MALRD1: variants seen among roughly 807,000 people sequenced by gnomAD.
The protein encoded by MALRD1 is MAM and LDL receptor class A domain containing 1.
In MALRD1, 247 loss-of-function variants were observed where a neutral mutation model predicts 242.1. The ratio of observed to expected loss-of-function variants is 1.02; its 90% CI spans 0.92 to 1.13. The LOEUF (loss-of-function observed/expected upper bound fraction) is 1.13. Ranked by LOEUF, MALRD1 falls within the 50% of genes most tolerant of loss-of-function variation. MALRD1 has a pLI of 0.00. For missense variants in MALRD1, 2,989 were observed against 2,533.1 expected (o/e 1.18, Z -3.86); for synonymous variants, 995 against 866.6 (o/e 1.15, Z -2.60).
intron 29 of MALRD1, chr10:19,488,854 C>G (rs1837344692): frequency 5.7e-6 from 2 of 350,162 alleles, no homozygotes; most frequent in African/African-American, 2.1e-5. Context: ...TCATGAATGA[C>G]CTTCCTGCAG....
intron 18 of MALRD1, among the ~76,000 whole-genome samples, chr10:19,228,854 T>C (rs747190803): frequency 6.6e-6 from 1 of 152,116 alleles, no homozygotes; most frequent in Non-Finnish European, 1.5e-5. Context: ...AGACTTTACT[T>C]CAAAAAGGCA....
chr10:19,603,925 CCT>C (rs1026932554), intron 34 of MALRD1, among the ~76,000 whole-genome samples: 4 of 152,208 alleles, frequency 2.6e-5, no homozygotes, highest in South Asian at 2.1e-4. Flanking sequence ...CAGCCATTCC[CCT>C]GTTTGTCTTT....
intron 1 of MALRD1, among the ~76,000 whole-genome samples, chr10:19,056,431 A>G (rs112207166): frequency 1.2e-3 from 187 of 152,078 alleles, no homozygotes; most frequent in African/African-American, 4.2e-3. Flanking sequence ...ATATCTAAGT[A>G]TTATACTTTA....
chr10:19,700,544 A>G (rs1265586345), intron 38 of MALRD1, among the ~76,000 whole-genome samples: 1 of 152,306 alleles, frequency 6.6e-6, no homozygotes, highest in African/African-American at 2.4e-5. Context: ...GCACTTTCAT[A>G]TTTTTAAACT....
chr10:19,204,936 T>C lies in MALRD1; in HGVS notation c.2249T>C (p.Leu750Pro). The change falls in exon 17 of 40, where the codon CTG becomes CCG. Residue 750 changes from leucine to proline, a missense_variant. Leu to Pro is a moderately conservative substitution (Grantham distance 98). Coordinates refer to ENST00000454679, the MANE Select transcript of MALRD1 (RefSeq NM_001142308.3). Reference protein sequence around the residue: ...NYGLSVGAAELQLHMENSHDS... With the variant: ...NYGLSVGAAEPQLHMENSHDS... ...GGCCTGTCAGTGGGAGCAGCTGAGC[T>C]GCAGCTACATATGGAAAATTCTCAT... is the stretch of plus-strand genomic sequence containing the variant. The C allele has an allele frequency of 6.5e-7, 1 of 1,550,318 alleles. No individual in the cohort carries two copies. The highest frequency in any genetic ancestry group is 8.7e-7 in the Non-Finnish European group (1 of 1,146,728).
intron 28 of MALRD1, among the ~76,000 whole-genome samples, chr10:19,408,614 TAAAG>T (rs1589034724): frequency 6.6e-6 from 1 of 152,002 alleles, no homozygotes; most frequent in Admixed American, 6.6e-5. Flanking sequence ...GCAAAAGATA[TAAAG>T]AGACATTTCA....
rs57449195 is a variant in MALRD1 at position 19,165,242 on chromosome 10, AATAT to A, written c.1657-374_1657-371del. Among the ~76,000 whole-genome samples the A allele has an allele frequency of 2.8e-3, 193 of 69,776 alleles. 17 individuals carry two copies. Among genetic ancestry groups the A allele is most frequent in the African/African-American group, 0.015 (174 of 11,834 alleles). 45.8% of individuals were successfully genotyped at this position (69,776 alleles called of 152,430 possible). ...TATATTTAACACAGAAGTTGTTTGGAATATATATATATATATATATATATTTTGT... is the reference window on the plus strand; with the variant it reads ...TATATTTAACACAGAAGTTGTTTGGAATATATATATATATATATATTTTGT... On this transcript the variant is annotated intron_variant, in intron 12 of 39. Coordinates refer to ENST00000454679, the MANE Select transcript of MALRD1 (RefSeq NM_001142308.3).
At chr10:19,573,722 A>G (rs1836670680) in intron 33 of MALRD1, among the ~76,000 whole-genome samples, 1 of 152,174 alleles carries the variant, frequency 6.6e-6, no homozygotes, top group African/African-American at 2.4e-5. Flanking sequence ...CAAATGAGGA[A>G]TCATTTTGAG....
At chr10:19,633,182 G>T (rs1215178003) in intron 36 of MALRD1, among the ~76,000 whole-genome samples, 1 of 152,084 alleles carries the variant, frequency 6.6e-6, no homozygotes, top group African/African-American at 2.4e-5. Flanking sequence ...AGTGAGCCAA[G>T]ATCGTGACAC....
chr10:19,691,728 T>C (rs1842828799), intron 36 of MALRD1, among the ~76,000 whole-genome samples: 1 of 152,108 alleles, frequency 6.6e-6, no homozygotes, highest in South Asian at 2.1e-4. Flanking sequence ...AAAACAAAGG[T>C]GATGGAACCC....
chr10:19,108,323 G>A (rs1457833826), intron 5 of MALRD1, among the ~76,000 whole-genome samples: 1 of 145,800 alleles, frequency 6.9e-6, no homozygotes, highest in Admixed American at 7.1e-5. Flanking sequence ...TCAGCTACAA[G>A]ATTTCTGTCT....
intron 5 of MALRD1, among the ~76,000 whole-genome samples, chr10:19,104,446 C>A (rs10826950): frequency 0.48 from 72,920 of 151,844 alleles, 17,687 homozygotes; most frequent in Admixed American, 0.54. Context: ...GATTATTCTG[C>A]TGAAAGATAC....
intron 11 of MALRD1, among the ~76,000 whole-genome samples, chr10:19,153,734 G>A (rs529309706): frequency 5.0e-4 from 76 of 151,790 alleles, no homozygotes; most frequent in African/African-American, 1.8e-3. Context: ...CTCAGATGTG[G>A]GACCGTACAT....
At chr10:19,696,793 G>T (rs28401618) in intron 38 of MALRD1, among the ~76,000 whole-genome samples, 4,558 of 151,976 alleles carry the variant, frequency 0.03, 258 homozygotes, top group African/African-American at 0.1. Flanking sequence ...GCATATGCCT[G>T]TAATCCCAGC....
chr10:19,131,846 C>T (rs1833122502), intron 8 of MALRD1, among the ~76,000 whole-genome samples: 1 of 152,114 alleles, frequency 6.6e-6, no homozygotes, highest in South Asian at 2.1e-4. Flanking sequence ...AAAAGTAGAA[C>T]ATCACTTGAA....
chr10:19,557,642 C>G (rs1835784208), intron 32 of MALRD1, among the ~76,000 whole-genome samples: 1 of 152,050 alleles, frequency 6.6e-6, no homozygotes, highest in African/African-American at 2.4e-5. Context: ...TGTGTCTATT[C>G]TTTCACAAAT....
At chr10:19,170,030 G>A (rs1044202609) in intron 13 of MALRD1, among the ~76,000 whole-genome samples, 1 of 152,170 alleles carries the variant, frequency 6.6e-6, no homozygotes, top group African/African-American at 2.4e-5. Flanking sequence ...CAATATAACA[G>A]AATACAAATT....
chr10:19,336,411 G>T (rs1843616502), intron 24 of MALRD1, among the ~76,000 whole-genome samples: 1 of 152,118 alleles, frequency 6.6e-6, no homozygotes, highest in East Asian at 1.9e-4. Flanking sequence ...TCAGTGATCT[G>T]CACCTAAGGG....
At chr10:19,643,950 C>A (rs1019853778) in intron 36 of MALRD1, among the ~76,000 whole-genome samples, 22 of 152,328 alleles carry the variant, frequency 1.4e-4, no homozygotes, top group Admixed American at 1.4e-3. Context: ...TTCTGCACCA[C>A]TGTAGACTGT....
Sources: gnomAD v4.1 joint callset for allele counts (sites outside exome capture counted in the v4.1 genomes callset) on GRCh38, gnomAD v4.1.1 for gene constraint, MANE v1.5 for transcripts, NCBI Gene and HGNC (gene_info 2026-07-23, HGNC 2026-07-21) for gene names.